The following NFIB variants were observed in gnomAD, a reference collection of about 807,000 sequenced individuals.
The protein encoded by NFIB is nuclear factor I B, also known as nuclear factor 1 B-type.
In NFIB, 11 loss-of-function variants were observed where a neutral mutation model predicts 61.5. That is an observed-to-expected ratio of 0.18 (90% CI 0.11 to 0.30). NFIB has a LOEUF of 0.30. NFIB is among the 10% of genes least tolerant of loss of function. NFIB has a pLI of 1.00. For synonymous variants in NFIB, 260 were observed against 216.5 expected (o/e 1.20, Z -1.76); for missense variants, 471 against 608.9 (o/e 0.77, Z 2.38).
the NFIB span, among the ~76,000 whole-genome samples, chr9:14,476,246 G>GTT: frequency 1.0e-4 from 13 of 127,464 alleles, no homozygotes; most frequent in East Asian, 1.4e-3. Flanking sequence ...TAAGCTTTTT[G>GTT]TTTTTTTTTT....
chr9:14,361,168 T>C (rs2061235301), intron 1 of NFIB: 1 of 152,088 alleles, frequency 6.6e-6, no homozygotes, highest in South Asian at 2.1e-4. Context: ...CAGTCAACTT[T>C]TTAATCTAAT....
intron 2 of NFIB, among the ~76,000 whole-genome samples, chr9:14,217,114 G>C (rs2051017077): frequency 6.6e-6 from 1 of 152,134 alleles, no homozygotes; most frequent in African/African-American, 2.4e-5. Context: ...TGGTATCAAG[G>C]TGGCCATTTT....
intron 6 of NFIB, among the ~76,000 whole-genome samples, chr9:14,141,970 C>A (rs1305017903): frequency 6.8e-6 from 1 of 147,220 alleles, no homozygotes; most frequent in East Asian, 2.0e-4. Flanking sequence ...TTTAACATAT[C>A]ATATTTTTTC....
chr9:14,443,167 C>G, the NFIB span, among the ~76,000 whole-genome samples: 1 of 151,966 alleles, frequency 6.6e-6, no homozygotes, highest in African/African-American at 2.4e-5. Context: ...TATGGCAGTG[C>G]TGAGGGTGAT....
the NFIB span, among the ~76,000 whole-genome samples, chr9:14,406,790 A>G: frequency 6.6e-6 from 1 of 152,200 alleles, no homozygotes. Context: ...TGGTGACAGA[A>G]TATTCAGGTC....
At chr9:14,184,794 G>A (rs948843710) in intron 2 of NFIB, among the ~76,000 whole-genome samples, 5 of 152,110 alleles carry the variant, frequency 3.3e-5, no homozygotes, top group Admixed American at 6.5e-5. Flanking sequence ...GCTGAGGCAG[G>A]CAGATTACTT....
At chr9:14,484,091 C>G in the NFIB span, among the ~76,000 whole-genome samples, 1 of 152,184 alleles carries the variant, frequency 6.6e-6, no homozygotes, top group Non-Finnish European at 1.5e-5. Flanking sequence ...TACTTTATTA[C>G]CTAGTTACTC....
intron 1 of NFIB, among the ~76,000 whole-genome samples, chr9:14,374,307 C>T (rs569961882): frequency 3.1e-4 from 47 of 152,236 alleles, no homozygotes; most frequent in South Asian, 1.2e-3. Context: ...ATATCTATAA[C>T]CCAGTCTACA....
intron 2 of NFIB, among the ~76,000 whole-genome samples, chr9:14,279,162 C>T (rs1408317263): frequency 6.6e-6 from 1 of 152,052 alleles, no homozygotes. Flanking sequence ...GTTAACAATG[C>T]CATCATTATA....
chr9:14,351,034 G>A (rs1464413473), intron 1 of NFIB, among the ~76,000 whole-genome samples: 1 of 152,176 alleles, frequency 6.6e-6, no homozygotes, highest in Non-Finnish European at 1.5e-5. Flanking sequence ...CGTTCTGAGT[G>A]GCGTAGGAAA....
intron 1 of NFIB, among the ~76,000 whole-genome samples, chr9:14,310,774 A>G (rs1237324883): frequency 6.6e-6 from 1 of 152,190 alleles, no homozygotes; most frequent in African/African-American, 2.4e-5. Flanking sequence ...TAGTTGAACT[A>G]AATTGACAAA....
At chr9:14,188,811 T>G (rs1347171318) in intron 2 of NFIB, among the ~76,000 whole-genome samples, 1 of 152,126 alleles carries the variant, frequency 6.6e-6, no homozygotes, top group Non-Finnish European at 1.5e-5. Flanking sequence ...TAATATACAT[T>G]TTTTCCCCTT....
intron 4 of NFIB, among the ~76,000 whole-genome samples, chr9:14,151,577 C>T (rs181047670): frequency 6.6e-6 from 1 of 152,220 alleles, no homozygotes; most frequent in African/African-American, 2.4e-5. Flanking sequence ...GAATCCAATA[C>T]CAGCTTGAAT....
intron 1 of NFIB, among the ~76,000 whole-genome samples, chr9:14,331,061 A>G (rs541780356): frequency 6.6e-6 from 1 of 152,302 alleles, no homozygotes; most frequent in African/African-American, 2.4e-5. Flanking sequence ...GCAGCACTTT[A>G]ATTAAGCAAG....
the NFIB span, among the ~76,000 whole-genome samples, chr9:14,508,754 C>A: frequency 6.6e-6 from 1 of 152,216 alleles, no homozygotes; most frequent in Non-Finnish European, 1.5e-5. Context: ...ACTCCATAAA[C>A]CAAAAAGCCC....
At chr9:14,205,294 A>G in intron 2 of NFIB, among the ~76,000 whole-genome samples, 1 of 125,064 alleles carries the variant, frequency 8.0e-6, no homozygotes, top group Non-Finnish European at 1.7e-5. Flanking sequence ...GAAAGAAGAA[A>G]GGAAGGGGAA....
At chr9:14,471,665 G>T in the NFIB span, among the ~76,000 whole-genome samples, 1 of 152,100 alleles carries the variant, frequency 6.6e-6, no homozygotes, top group Non-Finnish European at 1.5e-5. Flanking sequence ...GGTTTTTCTG[G>T]TTCCACTTTT....
At chr9:14,261,145 C>T (rs2056714087) in intron 2 of NFIB, among the ~76,000 whole-genome samples, 2 of 152,064 alleles carry the variant, frequency 1.3e-5, no homozygotes, top group South Asian at 4.1e-4. Context: ...AGTGAAACCC[C>T]GTCTCTACTA....
chr9:14,493,757 G>A, the NFIB span, among the ~76,000 whole-genome samples: 1 of 152,138 alleles, frequency 6.6e-6, no homozygotes, highest in Non-Finnish European at 1.5e-5. Context: ...TACAAAATAT[G>A]AAAGACTTTC....
Sources: gnomAD v4.1 joint callset for allele counts (sites outside exome capture counted in the v4.1 genomes callset) on GRCh38, gnomAD v4.1.1 for gene constraint, MANE v1.5 for transcripts, NCBI Gene and HGNC (gene_info 2026-07-23, HGNC 2026-07-21) for gene names.